The following ADAMTS6 variants were observed in gnomAD, a reference collection of about 807,000 sequenced individuals.
ADAMTS6 encodes the protein ADAM metallopeptidase with thrombospondin type 1 motif 6, also known as A disintegrin and metalloproteinase with thrombospondin motifs 6.
ADAMTS6 carries 23 observed loss-of-function variants against 144.3 expected under a neutral mutation model. The observed-to-expected ratio is 0.16, with a 90% CI of 0.11 to 0.23. The LOEUF (loss-of-function observed/expected upper bound fraction) is 0.23, where lower values mean the gene tolerates loss of function less well. ADAMTS6 is among the 10% of genes least tolerant of loss of function. The pLI, the probability that ADAMTS6 is intolerant of heterozygous loss-of-function variation, is 1.00. For missense variants in ADAMTS6, 999 were observed against 1,379.6 expected (o/e 0.72, Z 4.37); for synonymous variants, 444 against 457.5 (o/e 0.97, Z 0.38).
chr5:65,173,077 T>C, intron 22 of ADAMTS6, 69 bp from the exon 23 acceptor site: 2 of 1,483,772 alleles, frequency 1.3e-6, no homozygotes, highest in Non-Finnish European at 1.8e-6. Context: ...AGAAAGTCTT[T>C]CTTCATGTAA....
At chr5:65,335,372 T>G (rs1747204604) in intron 7 of ADAMTS6, among the ~76,000 whole-genome samples, 1 of 152,144 alleles carries the variant, frequency 6.6e-6, no homozygotes, top group Non-Finnish European at 1.5e-5. Flanking sequence ...ATGTAAGATA[T>G]AGAGAGGGTA....
intron 11 of ADAMTS6, among the ~76,000 whole-genome samples, chr5:65,290,197 C>T (rs1742151271): frequency 1.3e-5 from 2 of 152,264 alleles, no homozygotes; most frequent in South Asian, 4.1e-4. Flanking sequence ...CAGTACAATA[C>T]TACCTTAACC....
chr5:65,215,866 C>T (rs540109834), intron 18 of ADAMTS6, among the ~76,000 whole-genome samples: 1 of 152,098 alleles, frequency 6.6e-6, no homozygotes, highest in East Asian at 1.9e-4. Context: ...ACCTGTTGCA[C>T]TTGGACACAG....
At chr5:65,341,970 C>T (rs1188292695) in intron 7 of ADAMTS6, among the ~76,000 whole-genome samples, 1 of 152,040 alleles carries the variant, frequency 6.6e-6, no homozygotes, top group South Asian at 2.1e-4. Context: ...AATACAACAG[C>T]ACATCAAAAA....
chr5:65,207,280 A>G (rs921450518), intron 20 of ADAMTS6, among the ~76,000 whole-genome samples: 2 of 152,018 alleles, frequency 1.3e-5, no homozygotes, highest in African/African-American at 4.8e-5. Flanking sequence ...AAAATCTAGG[A>G]AAAAAAATTG....
intron 7 of ADAMTS6, among the ~76,000 whole-genome samples, chr5:65,345,064 T>A (rs1748188344): frequency 1.3e-5 from 2 of 151,754 alleles, no homozygotes; most frequent in South Asian, 4.1e-4. Flanking sequence ...GATTAGGGAG[T>A]GGTCTCTGTT....
chr5:65,358,691 G>C (rs1749565802), intron 7 of ADAMTS6, among the ~76,000 whole-genome samples: 1 of 151,968 alleles, frequency 6.6e-6, no homozygotes, highest in Non-Finnish European at 1.5e-5. Context: ...ATAGCCCAAG[G>C]GAACAGAACA....
At chr5:65,260,967 T>C (rs1040428074) in intron 13 of ADAMTS6, among the ~76,000 whole-genome samples, 32 of 152,048 alleles carry the variant, frequency 2.1e-4, no homozygotes, top group Non-Finnish European at 4.0e-4. Flanking sequence ...ATTGAATCAA[T>C]ATATTTTCTA....
chr5:65,389,092 T>C (rs1352955607), intron 7 of ADAMTS6, among the ~76,000 whole-genome samples: 1 of 152,086 alleles, frequency 6.6e-6, no homozygotes, highest in African/African-American at 2.4e-5. Flanking sequence ...TAGTCCCAGC[T>C]ACTCGCGAGG....
chr5:65,456,992 AC>A (rs1297010910), intron 4 of ADAMTS6, among the ~76,000 whole-genome samples: 1 of 152,214 alleles, frequency 6.6e-6, no homozygotes, highest in Non-Finnish European at 1.5e-5. Flanking sequence ...TAATAGGCTA[AC>A]TGGTAGTGTA....
At chr5:65,153,457 C>G (rs868626900) in intron 24 of ADAMTS6, among the ~76,000 whole-genome samples, 2 of 152,246 alleles carry the variant, frequency 1.3e-5, no homozygotes, top group Non-Finnish European at 2.9e-5. Flanking sequence ...AGAACCCACA[C>G]TCAACGTGTA....
intron 7 of ADAMTS6, among the ~76,000 whole-genome samples, chr5:65,336,370 T>C (rs1294364033): frequency 6.6e-6 from 1 of 152,052 alleles, no homozygotes. Context: ...TAAAAATGTG[T>C]TTTTCATTGC....
intron 7 of ADAMTS6, among the ~76,000 whole-genome samples, chr5:65,403,013 C>T (rs1754070055): frequency 6.6e-6 from 1 of 151,924 alleles, no homozygotes; most frequent in Non-Finnish European, 1.5e-5. Context: ...CTGCTTACCC[C>T]TCTGTTAAAA....
intron 7 of ADAMTS6, among the ~76,000 whole-genome samples, chr5:65,412,959 T>C (rs937649772): frequency 6.6e-6 from 1 of 152,168 alleles, no homozygotes. Context: ...TTTAATCTTA[T>C]GAATATCAAG....
At chr5:65,179,956 GCGCACA>G (rs1257081008) in intron 22 of ADAMTS6, among the ~76,000 whole-genome samples, 67 of 141,936 alleles carry the variant, frequency 4.7e-4, no homozygotes, top group Non-Finnish European at 6.5e-4. Context: ...GTGCACGCAC[GCGCACA>G]CACACACACA....
chr5:65,299,419 C>A (rs566496184), intron 10 of ADAMTS6, among the ~76,000 whole-genome samples: 1 of 152,236 alleles, frequency 6.6e-6, no homozygotes, highest in South Asian at 2.1e-4. Context: ...TATACCTGAG[C>A]TAATTTGTAT....
intron 9 of ADAMTS6, among the ~76,000 whole-genome samples, chr5:65,306,016 A>G (rs1347645780): frequency 6.6e-6 from 1 of 152,202 alleles, no homozygotes; most frequent in Admixed American, 6.5e-5. Flanking sequence ...TACTTGCCAT[A>G]AAAGTGGTAG....
chr5:65,381,365 CT>C (rs541774535), intron 7 of ADAMTS6, among the ~76,000 whole-genome samples: 15,371 of 141,044 alleles, frequency 0.11, 812 homozygotes, highest in African/African-American at 0.12. Context: ...AGGATTATAT[CT>C]TTTTTTTTTT....
At chr5:65,153,861 A>G (rs1752262137) in intron 24 of ADAMTS6, among the ~76,000 whole-genome samples, 1 of 152,210 alleles carries the variant, frequency 6.6e-6, no homozygotes, top group Middle Eastern at 3.2e-3. Flanking sequence ...GAAATAGAAT[A>G]TTCATAAATT....
Sources: gnomAD v4.1 joint callset for allele counts (sites outside exome capture counted in the v4.1 genomes callset) on GRCh38, gnomAD v4.1.1 for gene constraint, MANE v1.5 for transcripts, NCBI Gene and HGNC (gene_info 2026-07-23, HGNC 2026-07-21) for gene names.